The following ABLIM2 variants were observed in gnomAD, a reference collection of about 807,000 sequenced individuals.
ABLIM2 encodes actin binding LIM protein family member 2, also known as actin-binding LIM protein 2.
In ABLIM2, 53 loss-of-function variants were observed where a neutral mutation model predicts 97.7. That is an observed-to-expected ratio of 0.54 (90% CI 0.44 to 0.68). ABLIM2 has a LOEUF of 0.68. Among genes scored for constraint, ABLIM2 ranks in the 30% least tolerant of loss-of-function variants. The pLI is 0.00. For synonymous variants in ABLIM2, 361 were observed against 345.8 expected (o/e 1.04, Z -0.49); for missense variants, 835 against 867.2 (o/e 0.96, Z 0.47).
At chr4:8,097,312 C>A in intron 2 of ABLIM2, 30 bp from the exon 3 acceptor site, 2 of 1,549,152 alleles carry the variant, frequency 1.3e-6, no homozygotes, top group East Asian at 2.4e-5. Flanking sequence ...GTGGCGTTAG[C>A]GGCAGAGGGG....
intron 1 of ABLIM2, among the ~76,000 whole-genome samples, chr4:8,118,112 G>T (rs73218476): frequency 2.0e-5 from 3 of 152,192 alleles, no homozygotes; most frequent in Non-Finnish European, 4.4e-5. Context: ...TGCCATCTGC[G>T]CAGGAAGGCT....
chr4:7,989,283 T>A (rs182845191), intron 17 of ABLIM2: 80 of 367,180 alleles, frequency 2.2e-4, no homozygotes, highest in African/African-American at 1.7e-3. Context: ...TTCACCATGT[T>A]GGCCAGGATG....
intron 20 of ABLIM2, among the ~76,000 whole-genome samples, chr4:7,974,182 T>C (rs1460826287): frequency 1.3e-5 from 2 of 152,144 alleles, no homozygotes; most frequent in Admixed American, 6.6e-5. Flanking sequence ...TGTCTATCTA[T>C]CTATCTATCC....
In ABLIM2 at chr4:8,027,808, G is replaced by A. The variant is rs751149315; in HGVS notation, c.1218C>T (p.His406=). 5.6e-6 allele frequency: 9 copies of A among 1,601,822 alleles called. No individual in the cohort carries two copies. Among genetic ancestry groups the A allele is most frequent in the Non-Finnish European group, 7.7e-6 (9 of 1,174,634 alleles). Residue 406 remains histidine, a synonymous_variant, in exon 12 of 21, where the codon CAC becomes CAT. Coordinates refer to ENST00000447017, the MANE Select transcript of ABLIM2 (RefSeq NM_001130083.2). ...GTCTGAACACGGATGTAGGGCTTGG[G>A]TGTTGGGACAGGGAGAGGCAGCTAC... ...GTSSCLSLSQ[H]PSPTSVFRHH... is the part of the protein sequence containing the mutation.
At position 8,132,711 on chromosome 4, in the gene ABLIM2, C is replaced by T. The variant is rs1426559033; in HGVS notation, c.10+25969G>A. ...ACTCAGTCCTGGGCCTGCAACAGGC[C>T]CCAACACTCCAGAGCCCTGGGACCT... On this transcript the variant is annotated intron_variant, in intron 1 of 20. Coordinates refer to ENST00000447017, the MANE Select transcript of ABLIM2 (RefSeq NM_001130083.2). The surrounding 1 kb of genome is among the most constrained non-coding windows in gnomAD (Gnocchi z 8.0). Among the ~76,000 whole-genome samples the T allele has an allele frequency of 6.6e-6, 1 of 152,204 alleles. No homozygotes were observed. Among genetic ancestry groups the T allele is most frequent in the Non-Finnish European group, 1.5e-5 (1 of 68,030 alleles).
chr4:8,094,582 A>G (rs113460154), intron 3 of ABLIM2, among the ~76,000 whole-genome samples: 6,768 of 152,318 alleles, frequency 0.044, 236 homozygotes, highest in East Asian at 0.16. Flanking sequence ...TTTCTATACA[A>G]TATCTGGAAT....
At chr4:8,055,380 G>A (rs1488892479) in intron 7 of ABLIM2, among the ~76,000 whole-genome samples, 1 of 150,512 alleles carries the variant, frequency 6.6e-6, no homozygotes, top group Non-Finnish European at 1.5e-5. Flanking sequence ...CCCTGCGATG[G>A]GCTGGCACTG....
chr4:7,983,659 C>CG, intron 18 of ABLIM2, 105 bp from the exon 19 acceptor site: 1 of 1,391,054 alleles, frequency 7.2e-7, no homozygotes, highest in Non-Finnish European at 1.0e-6. Flanking sequence ...CTCCCCCCTG[C>CG]AGTCACCTGG....
chr4:8,010,609 C>T, intron 14 of ABLIM2: 1 of 977,660 alleles, frequency 1.0e-6, no homozygotes, highest in Non-Finnish European at 1.2e-6. Flanking sequence ...ACACTAACAT[C>T]TCGTTACTCT....
chr4:8,090,419 T>C (rs1459646846), intron 3 of ABLIM2, among the ~76,000 whole-genome samples: 1 of 152,246 alleles, frequency 6.6e-6, no homozygotes, highest in African/African-American at 2.4e-5. Flanking sequence ...CAGGACATCC[T>C]GCCTAGGAAG....
At chr4:8,014,058 C>T (rs532516484) in intron 14 of ABLIM2, among the ~76,000 whole-genome samples, 2 of 152,374 alleles carry the variant, frequency 1.3e-5, no homozygotes, top group Non-Finnish European at 2.9e-5. Flanking sequence ...CCAGCCAAGG[C>T]TCTGCAGCCA....
At chr4:8,157,817 T>C (rs1000273101) in intron 1 of ABLIM2, among the ~76,000 whole-genome samples, 1 of 152,260 alleles carries the variant, frequency 6.6e-6, no homozygotes, top group African/African-American at 2.4e-5. Context: ...GACTCAAGCC[T>C]GGTGCGCCTC....
intron 3 of ABLIM2, among the ~76,000 whole-genome samples, chr4:8,092,815 T>A (rs1386941844): frequency 6.6e-6 from 1 of 152,138 alleles, no homozygotes; most frequent in Non-Finnish European, 1.5e-5. Context: ...CTCTTTTTGG[T>A]TTATAGTCAT....
rs1483414043 is a variant in ABLIM2, at chr4:7,980,941, A to ATCTTTTTTTT, written c.1824+2322_1824+2323insAAAAAAAAGA. Reference sequence around the variant, plus strand: ...AGAACCATGGTCTCCACAACCCCTTATTTTTTTTTTTTTTTTTTTTGAGAT... The same window carrying ATCTTTTTTTT: ...AGAACCATGGTCTCCACAACCCCTTATCTTTTTTTTTTTTTTTTTTTTTTTTTTTTGAGAT... On this transcript the variant is annotated intron_variant, in intron 20 of 20. Coordinates refer to ENST00000447017, the MANE Select transcript of ABLIM2 (RefSeq NM_001130083.2). Among the ~76,000 whole-genome samples, 136 of 82,972 alleles carry ATCTTTTTTTT rather than the reference A, an allele frequency of 1.6e-3. 9 individuals carry two copies. The highest frequency in any genetic ancestry group is 1.8e-3 in the Non-Finnish European group (88 of 48,024). The allele number at this position is 82,972 out of a possible 152,430, so 54.4% of individuals were successfully genotyped here. A position where few individuals can be genotyped will look rare whatever the true frequency, so the allele number is the denominator to read the frequency against.
intron 14 of ABLIM2, among the ~76,000 whole-genome samples, chr4:8,011,780 G>C (rs1347610414): frequency 6.6e-6 from 1 of 152,186 alleles, no homozygotes; most frequent in African/African-American, 2.4e-5. Context: ...TCTTGGGAAA[G>C]GCTGGCTTTC....
chr4:8,134,039 C>T (rs914331414), intron 1 of ABLIM2, among the ~76,000 whole-genome samples: 27 of 152,190 alleles, frequency 1.8e-4, no homozygotes, highest in Non-Finnish European at 3.2e-4. Context: ...GCAGCTGCTA[C>T]GGCTGCCATG....
rs11729198 is a variant in ABLIM2, at chr4:8,002,200, G to A, written c.1618+5859C>T. 0.27 allele frequency among the ~76,000 whole-genome samples: 41,788 copies of A among 152,018 alleles called. 6,097 individuals are homozygous for A. The highest frequency in any genetic ancestry group is 0.33 in the Non-Finnish European group (22,587 of 67,948). ...AGCCTGGACCTCTCCTCTGAGCTCC[G>A]TCTGCCCCCTGGCAACCCCCCGGAC... On this transcript the variant is annotated intron_variant, in intron 16 of 20. Transcript: ENST00000447017. This position sits in a 1 kb window ranked among gnomAD's most constrained non-coding sequence, Gnocchi z 6.1.
intron 2 of ABLIM2, among the ~76,000 whole-genome samples, chr4:8,100,307 G>A (rs539956222): frequency 1.3e-5 from 2 of 152,326 alleles, no homozygotes; most frequent in African/African-American, 4.8e-5. Flanking sequence ...GGGCTTTAGA[G>A]TCAGGCAGCC....
chr4:8,079,080 G>A (rs1480110122), intron 5 of ABLIM2, among the ~76,000 whole-genome samples: 1 of 152,376 alleles, frequency 6.6e-6, no homozygotes, highest in Non-Finnish European at 1.5e-5. Context: ...TGAGCCCCGG[G>A]CCTGGGTGCC....
Sources: gnomAD v4.1 joint callset for allele counts (sites outside exome capture counted in the v4.1 genomes callset) on GRCh38, gnomAD v4.1.1 for gene constraint, Gnocchi (gnomAD v3.1) non-coding constraint, MANE v1.5 for transcripts, NCBI Gene and HGNC (gene_info 2026-07-23, HGNC 2026-07-21) for gene names.